TBC1D13: variants seen among roughly 807,000 people sequenced by gnomAD.
The protein encoded by TBC1D13 is TBC1 domain family member 13, also known as epididymis secretory sperm binding protein.
TBC1D13 carries 40 observed loss-of-function variants against 53.6 expected under a neutral mutation model. That is an observed-to-expected ratio of 0.75 (90% confidence interval 0.58 to 0.97). TBC1D13 has a LOEUF of 0.97. TBC1D13 is among the 50% of genes least tolerant of loss of function. TBC1D13 has a pLI of 0.00. For synonymous variants in TBC1D13, 182 were observed against 197.7 expected (o/e 0.92, Z 0.67); for missense variants, 377 against 499.4 (o/e 0.75, Z 2.34).
rs762708176 is a variant in TBC1D13, at chr9:128,803,409, G to A, written c.703G>A (p.Val235Met). 10 of 1,614,052 alleles carry A rather than the reference G, an allele frequency of 6.2e-6. No individual in the cohort carries two copies. The East Asian group carries it at 8.9e-5, about 14-fold the overall frequency. Residue 235 changes from valine (V) to methionine (M), a missense_variant, in exon 8 of 12, where the codon GTG becomes ATG. Transcript: ENST00000372648. ...IAYVQGMNEI[V>M]GPLYYTFATD... Reference sequence around the variant, plus strand: ...TTATGTGCAAGGCATGAATGAAATCGTGGGGCCCCTCTACTACACCTTTGC... The same window carrying A: ...TTATGTGCAAGGCATGAATGAAATCATGGGGCCCCTCTACTACACCTTTGC...
chr9:128,806,919 G>C (rs1829845390), intron 11 of TBC1D13, among the ~76,000 whole-genome samples: 1 of 151,402 alleles, frequency 6.6e-6, no homozygotes, highest in Non-Finnish European at 1.5e-5. Flanking sequence ...ACTCCAGCCT[G>C]GGGGACAGAG....
rs1223509593 is a variant in TBC1D13 at position 128,803,237 on chromosome 9, T to C, written c.544-13T>C. On this transcript the variant is annotated splice_polypyrimidine_tract_variant and intron_variant, in intron 7 of 11. Transcript: ENST00000372648. Reference sequence around the variant, plus strand: ...ATTGTCTTTCTTGATGGGCTCCTCCTCTTCTCCTCCAGATGAGCTCCCCAC... The same window carrying C: ...ATTGTCTTTCTTGATGGGCTCCTCCCCTTCTCCTCCAGATGAGCTCCCCAC... The C allele has an allele frequency of 6.2e-7, 1 of 1,612,546 alleles. No homozygotes were observed. The highest frequency in any genetic ancestry group is 8.5e-7 in the Non-Finnish European group (1 of 1,178,742).
intron 5 of TBC1D13, among the ~76,000 whole-genome samples, 200 bp from the exon 6 acceptor site, chr9:128,792,292 G>A (rs949121231): frequency 8.5e-5 from 13 of 152,226 alleles, no homozygotes; most frequent in Non-Finnish European, 1.5e-4. Flanking sequence ...TGGGCTCCCG[G>A]CTGTGGAGTT....
intron 7 of TBC1D13, among the ~76,000 whole-genome samples, chr9:128,802,333 C>T (rs570430884): frequency 1.1e-4 from 17 of 152,310 alleles, no homozygotes; most frequent in African/African-American, 3.8e-4. Flanking sequence ...GCTGGGATTA[C>T]AGGTATGAAC....
At chr9:128,806,127 G>A (rs963251068) in intron 10 of TBC1D13, 108 bp downstream of exon 10, 9 of 1,584,860 alleles carry the variant, frequency 5.7e-6, no homozygotes, top group Admixed American at 1.7e-5. Context: ...TTTCATGGCT[G>A]GAGTGGGATT....
intron 7 of TBC1D13, among the ~76,000 whole-genome samples, chr9:128,799,498 C>T (rs1211331580): frequency 5.9e-5 from 9 of 152,110 alleles, no homozygotes; most frequent in Non-Finnish European, 1.3e-4. Context: ...AGCAGAAAGC[C>T]CTGGGCATCC....
intron 2 of TBC1D13, 84 bp from the exon 3 acceptor site, chr9:128,790,651 T>TC: frequency 7.6e-7 from 1 of 1,318,920 alleles, no homozygotes; most frequent in Non-Finnish European, 1.0e-6. Flanking sequence ...CCCACTCTAC[T>TC]CCCCGCCAGT....
At chr9:128,800,109 T>C (rs1440960885) in intron 7 of TBC1D13, among the ~76,000 whole-genome samples, 2 of 152,236 alleles carry the variant, frequency 1.3e-5, no homozygotes, top group Admixed American at 6.5e-5. Flanking sequence ...CATACATATG[T>C]ATGTGTATGT....
In TBC1D13 at chr9:128,803,876, A is replaced by G. The variant is rs1829780043; in HGVS notation, c.755-80A>G. Reference sequence around the variant, plus strand: ...GATGGGGCAACTCGGCGGGGCTCAGAGCAGGGCAGATGTCTGGTAGGTGAG... The same window carrying G: ...GATGGGGCAACTCGGCGGGGCTCAGGGCAGGGCAGATGTCTGGTAGGTGAG... On this transcript the variant is annotated intron_variant, in intron 8 of 11. Coordinates refer to ENST00000372648, the MANE Select transcript of TBC1D13 (RefSeq NM_018201.5). 7.6e-6 allele frequency: 12 copies of G among 1,570,944 alleles called. No individual in the cohort carries two copies. The East Asian group carries it at 2.5e-4, about 32-fold the overall frequency.
intron 1 of TBC1D13, among the ~76,000 whole-genome samples, chr9:128,787,719 C>T (rs530738082): frequency 6.6e-6 from 1 of 150,844 alleles, no homozygotes; most frequent in South Asian, 2.1e-4. Flanking sequence ...CACCCTGTCC[C>T]CCGTGCCTTT....
intron 2 of TBC1D13, 151 bp downstream of exon 2, chr9:128,788,558 C>T (rs905858606): frequency 1.0e-5 from 7 of 676,530 alleles, no homozygotes; most frequent in Admixed American, 8.2e-5. Context: ...GGGCCTTTTC[C>T]AGATTCTGTA....
Position 128,787,343 on chromosome 9 carries a change from A to C in TBC1D13, c.-11A>C. The stretch of plus-strand genomic sequence containing the variant: ...CGGCGGAGGCGGCTGGGGGGTCCGG[A>C]AGTCAACACCATGTCAAGTCTGCAC... On this transcript the variant is annotated 5_prime_UTR_variant, in exon 1 of 12. Transcript: ENST00000372648. 1.5e-5 allele frequency: 19 copies of C among 1,260,374 alleles called. No individual in the cohort carries two copies. Among genetic ancestry groups the C allele is most frequent in the Non-Finnish European group, 1.9e-5 (19 of 996,490 alleles). The allele number at this position is 1,260,374 out of a possible 1,614,324, so 78.1% of individuals were successfully genotyped here.
rs770583536 is a variant in TBC1D13 at position 128,788,372 on chromosome 9, T to C, written c.62T>C (p.Ile21Thr). 6 of 1,614,032 alleles carry C rather than the reference T, an allele frequency of 3.7e-6. No individual in the cohort carries two copies. Among genetic ancestry groups the C allele is most frequent in the Non-Finnish European group, 8.5e-7 (1 of 1,180,026 alleles). ...CAGGATGTCCTGAAGGAGCCCTCAA[T>C]TGCATTGGAAAAGCTGCGGGAACTC... The part of the protein sequence containing the change: ...DFQDVLKEPS[I>T]ALEKLRELSF... Residue 21 changes from isoleucine to threonine, a missense_variant, in exon 2 of 12, where the codon ATT (isoleucine) becomes ACT (threonine). Physicochemically the swap from Ile to Thr is moderately conservative, Grantham distance 89. Transcript: ENST00000372648.
intron 7 of TBC1D13, among the ~76,000 whole-genome samples, chr9:128,800,063 T>C (rs1363752599): frequency 1.3e-5 from 2 of 152,214 alleles, no homozygotes; most frequent in Non-Finnish European, 2.9e-5. Flanking sequence ...GTGGCTGATG[T>C]GTGTCTGTGT....
chr9:128,797,583 G>C (rs1364903569), intron 7 of TBC1D13, among the ~76,000 whole-genome samples: 1 of 151,928 alleles, frequency 6.6e-6, no homozygotes, highest in African/African-American at 2.4e-5. Flanking sequence ...CAGGAGGATT[G>C]CTTGAGCCCA....
In TBC1D13 at chr9:128,803,395, G is replaced by A; in HGVS notation, c.689G>A (p.Gly230Asp). Residue 230 changes from glycine (G) to aspartate (D), a missense_variant, in exon 8 of 12, where the codon GGC becomes GAC. Transcript: ENST00000372648. ...KLNPGIAYVQ[G>D]MNEIVGPLYY... is the part of the protein sequence containing the mutation. ...AACCCTGGCATCGCTTATGTGCAAG[G>A]CATGAATGAAATCGTGGGGCCCCTC... 1.2e-6 allele frequency: 2 copies of A among 1,614,206 alleles called. No individual in the cohort carries two copies. Among genetic ancestry groups the A allele is most frequent in the Non-Finnish European group, 1.7e-6 (2 of 1,180,046 alleles).
intron 7 of TBC1D13, among the ~76,000 whole-genome samples, chr9:128,801,712 C>T (rs1208324182): frequency 2.6e-5 from 4 of 151,368 alleles, no homozygotes; most frequent in Non-Finnish European, 5.9e-5. Flanking sequence ...AAGTCTTGGG[C>T]TTGGCCAGTT....
intron 9 of TBC1D13, among the ~76,000 whole-genome samples, chr9:128,805,254 G>C (rs551745964): frequency 6.6e-6 from 1 of 152,170 alleles, no homozygotes; most frequent in African/African-American, 2.4e-5. Context: ...AGGAGCCCTC[G>C]AGGTCAAGGC....
chr9:128,787,912 G>A (rs1470977937), intron 1 of TBC1D13, among the ~76,000 whole-genome samples: 2 of 152,072 alleles, frequency 1.3e-5, no homozygotes, highest in African/African-American at 2.4e-5. Flanking sequence ...TTGTGAGCAT[G>A]GTCCATTGTC....
Sources: allele counts gnomAD v4.1 joint callset (sites outside exome capture counted in the v4.1 genomes callset), GRCh38; gene constraint gnomAD v4.1.1; transcripts MANE v1.5; gene names NCBI Gene and HGNC (gene_info 2026-07-23, HGNC 2026-07-21).